The following PLD5 variants were observed in gnomAD, a reference collection of about 807,000 sequenced individuals.
PLD5 encodes the protein phospholipase D family member 5, also known as inactive phospholipase D5.
In PLD5, 36 loss-of-function variants were observed where a neutral mutation model predicts 61.1. That is an observed-to-expected ratio of 0.59 (90% CI 0.45 to 0.78). PLD5 has a LOEUF of 0.78. PLD5 is among the 30% of genes least tolerant of loss of function. The pLI is 0.00. For missense variants in PLD5, 515 were observed against 644.4 expected (o/e 0.80, Z 2.17); for synonymous variants, 243 against 242.8 (o/e 1.00, Z -0.01).
chr1:242,107,868 ATAAAC>A (rs746170049), intron 7 of PLD5, 29 bp from the exon 8 acceptor site: 10 of 1,556,256 alleles, frequency 6.4e-6, no homozygotes, highest in Non-Finnish European at 8.7e-6. Flanking sequence ...AATAGAAAAA[ATAAAC>A]TAAGTTAGTT....
At chr1:242,195,132 T>C (rs1668556443) in intron 5 of PLD5, among the ~76,000 whole-genome samples, 1 of 152,220 alleles carries the variant, frequency 6.6e-6, no homozygotes, top group Non-Finnish European at 1.5e-5. Context: ...GGATCAATGT[T>C]GAGAAAGACT....
intron 1 of PLD5, among the ~76,000 whole-genome samples, chr1:242,466,872 T>C (rs1235086955): frequency 6.7e-6 from 1 of 149,344 alleles, no homozygotes; most frequent in African/African-American, 2.5e-5. Flanking sequence ...CAGCCTGCGG[T>C]ACAGAGTGAG....
chr1:242,417,368 T>C (rs1197230727), intron 1 of PLD5, among the ~76,000 whole-genome samples: 1 of 152,362 alleles, frequency 6.6e-6, no homozygotes, highest in East Asian at 1.9e-4. Context: ...AGTTTACCAT[T>C]GCCATGGCAA....
At chr1:242,449,558 A>G in intron 1 of PLD5, 12 of 1,427,074 alleles carry the variant, frequency 8.4e-6, no homozygotes, top group South Asian at 1.5e-5. Flanking sequence ...GAAGAGAGAA[A>G]GGGCTGCAGC....
intron 1 of PLD5, among the ~76,000 whole-genome samples, chr1:242,504,933 A>T (rs1668672890): frequency 6.6e-6 from 1 of 152,158 alleles, no homozygotes; most frequent in East Asian, 1.9e-4. Flanking sequence ...GGGCAGGAGG[A>T]TTGCTTGAGC....
chr1:242,347,885 C>T (rs558995929), intron 2 of PLD5, among the ~76,000 whole-genome samples: 1 of 152,234 alleles, frequency 6.6e-6, no homozygotes. Context: ...TTGTTCCCAC[C>T]AGCCTGTAGA....
At chr1:242,507,889 G>A (rs764697445) in intron 1 of PLD5, among the ~76,000 whole-genome samples, 3 of 152,128 alleles carry the variant, frequency 2.0e-5, no homozygotes, top group Non-Finnish European at 4.4e-5. Context: ...TTACTTTAGT[G>A]GTAATTACAT....
At chr1:242,320,506 G>A (rs1658320356) in intron 2 of PLD5, among the ~76,000 whole-genome samples, 2 of 152,158 alleles carry the variant, frequency 1.3e-5, no homozygotes, top group South Asian at 4.1e-4. Flanking sequence ...CCCAGAGCAA[G>A]CAACTGAGAA....
At chr1:242,322,058 C>T (rs1658449137) in intron 2 of PLD5, among the ~76,000 whole-genome samples, 2 of 152,172 alleles carry the variant, frequency 1.3e-5, no homozygotes. Flanking sequence ...AAAAATTCCA[C>T]AGACCATCTA....
chr1:242,420,000 C>G (rs1665050080), intron 1 of PLD5, among the ~76,000 whole-genome samples: 1 of 152,142 alleles, frequency 6.6e-6, no homozygotes, highest in Non-Finnish European at 1.5e-5. Context: ...AGAAATAAGA[C>G]TATACCAGGA....
intron 4 of PLD5, among the ~76,000 whole-genome samples, chr1:242,238,759 T>C (rs1190104910): frequency 3.3e-5 from 5 of 152,288 alleles, no homozygotes; most frequent in Admixed American, 3.3e-4. Context: ...AGTTCAATGA[T>C]ATGGCTATTT....
chr1:242,244,244 C>A (rs1288425555), intron 4 of PLD5, among the ~76,000 whole-genome samples: 1 of 152,120 alleles, frequency 6.6e-6, no homozygotes, highest in Non-Finnish European at 1.5e-5. Flanking sequence ...CAGTTAAATA[C>A]GATGATGTAT....
intron 1 of PLD5, among the ~76,000 whole-genome samples, chr1:242,490,763 C>A (rs1247502888): frequency 6.6e-6 from 1 of 151,986 alleles, no homozygotes; most frequent in Non-Finnish European, 1.5e-5. Context: ...GTAGAGAAAA[C>A]CTACCGCTAC....
Position 242,451,071 on chromosome 1 carries a change from C to T in PLD5, c.189+73017G>A, listed in dbSNP as rs555084342. Among the ~76,000 whole-genome samples the T allele has an allele frequency of 7.2e-5, 11 of 152,266 alleles. No individual in the cohort carries two copies. The South Asian group carries it at 2.1e-3, about 29-fold the overall frequency. On this transcript the variant is annotated intron_variant, in intron 1 of 9. Coordinates refer to ENST00000536534, the MANE Select transcript of PLD5 (RefSeq NM_001372062.1). ...TTTTGACTCTACCTTGGGCCATGCC[C>T]ACTTATCCTTCTCCTCTCATGGGAA...
intron 2 of PLD5, among the ~76,000 whole-genome samples, chr1:242,317,358 T>C (rs1177415677): frequency 6.6e-6 from 1 of 152,242 alleles, no homozygotes; most frequent in African/African-American, 2.4e-5. Flanking sequence ...GTCTTTGCTG[T>C]TGTGAATGAA....
At chr1:242,484,041 C>G (rs532288880) in intron 1 of PLD5, among the ~76,000 whole-genome samples, 7 of 152,324 alleles carry the variant, frequency 4.6e-5, no homozygotes, top group African/African-American at 1.7e-4. Context: ...ACCAGAATCT[C>G]TGGGACACAT....
chr1:242,221,264 A>G (rs982056710), intron 4 of PLD5, among the ~76,000 whole-genome samples: 1 of 152,180 alleles, frequency 6.6e-6, no homozygotes, highest in Non-Finnish European at 1.5e-5. Flanking sequence ...TATTTAAATA[A>G]ATTTCTGCTA....
chr1:242,264,648 C>T (rs186855574), intron 4 of PLD5, among the ~76,000 whole-genome samples: 2,062 of 152,220 alleles, frequency 0.014, 46 homozygotes, highest in African/African-American at 0.046. Flanking sequence ...GGACGTCCGG[C>T]AGCTTGAACA....
At chr1:242,111,496 A>G (rs892104616) in intron 7 of PLD5, among the ~76,000 whole-genome samples, 1 of 152,000 alleles carries the variant, frequency 6.6e-6, no homozygotes, top group African/African-American at 2.4e-5. Context: ...GCTGTTAATC[A>G]TTTCTGATTT....
Sources: allele counts gnomAD v4.1 joint callset (sites outside exome capture counted in the v4.1 genomes callset), GRCh38; gene constraint gnomAD v4.1.1; transcripts MANE v1.5; gene names NCBI Gene and HGNC (gene_info 2026-07-23, HGNC 2026-07-21).